DPY19L3: variants seen among roughly 807,000 people sequenced by gnomAD.
DPY19L3 encodes the protein protein C-mannosyl-transferase DPY19L3.
In DPY19L3, 51 loss-of-function variants were observed where a neutral mutation model predicts 92.3. The observed-to-expected ratio is 0.55, with a 90% CI of 0.44 to 0.70. The LOEUF (loss-of-function observed/expected upper bound fraction) is 0.70, where lower values mean the gene tolerates loss of function less well. DPY19L3 is among the 30% of genes least tolerant of loss of function. DPY19L3 has a pLI of 0.00. For missense variants in DPY19L3, 706 were observed against 855.9 expected (o/e 0.82, Z 2.18); for synonymous variants, 309 against 315.2 (o/e 0.98, Z 0.21).
chr19:32,409,634 C>T (rs1286759255), intron 2 of DPY19L3, among the ~76,000 whole-genome samples: 1 of 152,218 alleles, frequency 6.6e-6, no homozygotes, highest in East Asian at 1.9e-4. Flanking sequence ...ATGGCACCAG[C>T]ATCTGCCTCT....
intron 18 of DPY19L3, 84 bp from the exon 19 acceptor site, chr19:32,481,995 A>G: frequency 1.4e-6 from 2 of 1,463,544 alleles, no homozygotes; most frequent in Non-Finnish European, 1.9e-6. Flanking sequence ...ACCATTCTTA[A>G]ACCCAATACC....
chr19:32,429,514 A>C (rs1187044343), intron 3 of DPY19L3, among the ~76,000 whole-genome samples: 1 of 152,230 alleles, frequency 6.6e-6, no homozygotes, highest in Non-Finnish European at 1.5e-5. Flanking sequence ...ATGCATTTTT[A>C]CTAATTAGGT....
At chr19:32,476,591 G>C (rs964301631) in intron 16 of DPY19L3, among the ~76,000 whole-genome samples, 2 of 150,258 alleles carry the variant, frequency 1.3e-5, no homozygotes, top group Non-Finnish European at 3.0e-5. Flanking sequence ...CTTTTTTCCA[G>C]GGAGGAAAAA....
At chr19:32,412,719 C>T (rs1167377633) in intron 3 of DPY19L3, 1 of 152,112 alleles carries the variant, frequency 6.6e-6, no homozygotes. Flanking sequence ...CACTTGAAGT[C>T]AGGAGTTCAA....
intron 15 of DPY19L3, among the ~76,000 whole-genome samples, chr19:32,466,933 T>TA (rs1479624063): frequency 6.6e-6 from 1 of 152,262 alleles, no homozygotes; most frequent in Non-Finnish European, 1.5e-5. Context: ...CTTACAGACT[T>TA]ACCTGTAAGT....
In DPY19L3 at chr19:32,482,494, A is replaced by G; in HGVS notation, c.*254A>G. On this transcript the variant is annotated 3_prime_UTR_variant, in exon 19 of 19. Transcript: ENST00000392250. The stretch of plus-strand genomic sequence containing the variant: ...GTTAACAACTTTCTAAGAGTGACCT[A>G]GAATTATGTTGTTGGAGAGAATGAT... 1 of 386,224 alleles carries G rather than the reference A, an allele frequency of 2.6e-6. No homozygotes were observed. Among genetic ancestry groups the G allele is most frequent in the Non-Finnish European group, 4.6e-6 (1 of 215,188 alleles). 23.9% of individuals were successfully genotyped at this position (386,224 alleles called of 1,614,324 possible).
At chr19:32,433,903 A>G (rs1969051139) in intron 4 of DPY19L3, among the ~76,000 whole-genome samples, 2 of 152,166 alleles carry the variant, frequency 1.3e-5, no homozygotes, top group Admixed American at 1.3e-4. Flanking sequence ...ATTGATGATT[A>G]TCGTCTGTAG....
chr19:32,428,251 T>C (rs1968835574), intron 3 of DPY19L3, among the ~76,000 whole-genome samples: 1 of 152,118 alleles, frequency 6.6e-6, no homozygotes, highest in African/African-American at 2.4e-5. Flanking sequence ...GGGTTACAGG[T>C]GTGAGCCACC....
At chr19:32,407,768 G>T (rs1968025648) in intron 1 of DPY19L3, among the ~76,000 whole-genome samples, 1 of 152,184 alleles carries the variant, frequency 6.6e-6, no homozygotes, top group African/African-American at 2.4e-5. Context: ...TTTGAGTGTA[G>T]CTTTGAAGGC....
chr19:32,462,546 G>T (rs1308420839), intron 12 of DPY19L3, among the ~76,000 whole-genome samples: 1 of 152,102 alleles, frequency 6.6e-6, no homozygotes, highest in Non-Finnish European at 1.5e-5. Flanking sequence ...TAAACCTCTA[G>T]ATCTAATTAC....
intron 16 of DPY19L3, among the ~76,000 whole-genome samples, chr19:32,470,911 G>C (rs887616946): frequency 2.2e-5 from 3 of 138,844 alleles, no homozygotes; most frequent in African/African-American, 8.1e-5. Context: ...TAATATTTTT[G>C]TAAAACTAGC....
intron 18 of DPY19L3, 106 bp downstream of exon 18, chr19:32,480,663 C>T (rs550391648): frequency 1.9e-5 from 25 of 1,345,718 alleles, no homozygotes; most frequent in Middle Eastern, 2.4e-4. Flanking sequence ...AGTTGAATTA[C>T]GCTACGAATC....
Position 32,456,079 on chromosome 19 carries a change from C to CTTT in DPY19L3, c.1089+1058_1089+1060dup, listed in dbSNP as rs899726982. Among the ~76,000 whole-genome samples, 156 of 103,360 alleles carry CTTT rather than the reference C, an allele frequency of 1.5e-3. 1 individual carries two copies. Among genetic ancestry groups the CTTT allele is most frequent in the African/African-American group, 1.9e-3 (50 of 26,730 alleles). The allele number at this position is 103,360 out of a possible 152,430, so 67.8% of individuals were successfully genotyped here. On this transcript the variant is annotated intron_variant, in intron 10 of 18. Transcript: ENST00000392250. ...CAGCCAGTCACTATGTCACTATGTTCTTTTTTTTTTTTTTTTTTTTTGGAC... is the reference window on the plus strand; with the variant it reads ...CAGCCAGTCACTATGTCACTATGTTCTTTTTTTTTTTTTTTTTTTTTTTTGGAC...
chr19:32,446,113 C>T (rs1969490975), intron 8 of DPY19L3, among the ~76,000 whole-genome samples: 1 of 152,078 alleles, frequency 6.6e-6, no homozygotes, highest in African/African-American at 2.4e-5. Flanking sequence ...GGTAATGAGA[C>T]TTAAATGGAG....
rs149401300 is a variant in DPY19L3, at chr19:32,482,227, C to T, written c.2138C>T (p.Ser713Phe). 486 of 1,611,744 alleles carry T rather than the reference C, an allele frequency of 3.0e-4. 1 individual carries two copies. Among genetic ancestry groups the T allele is most frequent in the Middle Eastern group, 2.6e-3 (16 of 6,072 alleles). The change falls in exon 19 of 19, where the codon TCC (serine) becomes TTC (phenylalanine). Residue 713 changes from serine (S) to phenylalanine (F), a missense_variant. Transcript: ENST00000392250. ...QNKTFHVYKLSRNK is the reference protein window; with the variant it reads ...QNKTFHVYKLFRNK ...AAAACCTTCCACGTTTACAAGCTGT[C>T]CAGAAACAAGTAGCGCAGATTTCTG...
intron 3 of DPY19L3, among the ~76,000 whole-genome samples, chr19:32,419,218 T>C (rs780759526): frequency 4.0e-5 from 6 of 151,258 alleles, no homozygotes; most frequent in Non-Finnish European, 8.9e-5. Context: ...TGGAGTGCAG[T>C]GGCGCGATCT....
chr19:32,457,395 T>C (rs142770922), intron 10 of DPY19L3, among the ~76,000 whole-genome samples: 2 of 152,356 alleles, frequency 1.3e-5, no homozygotes, highest in East Asian at 3.9e-4. Flanking sequence ...CATTTGCTGC[T>C]GGAATGCAAA....
chr19:32,442,511 A>T (rs914222707), intron 8 of DPY19L3, among the ~76,000 whole-genome samples: 3 of 152,200 alleles, frequency 2.0e-5, no homozygotes, highest in Non-Finnish European at 4.4e-5. Context: ...GTATATGTAT[A>T]TAACAAACAT....
intron 8 of DPY19L3, among the ~76,000 whole-genome samples, chr19:32,447,789 A>C (rs1032637487): frequency 7.6e-6 from 1 of 132,298 alleles, no homozygotes; most frequent in South Asian, 2.5e-4. Context: ...TAGATAAGAT[A>C]CTCCATCTCA....
Sources: allele counts gnomAD v4.1 joint callset (sites outside exome capture counted in the v4.1 genomes callset), GRCh38; gene constraint gnomAD v4.1.1; transcripts MANE v1.5; gene names NCBI Gene and HGNC (gene_info 2026-07-23, HGNC 2026-07-21).